The following GALNTL6 variants were observed in gnomAD, a reference collection of about 807,000 sequenced individuals.
GALNTL6 encodes the protein polypeptide N-acetylgalactosaminyltransferase like 6, also known as polypeptide N-acetylgalactosaminyltransferase-like 6.
In GALNTL6, 46 loss-of-function variants were observed where a neutral mutation model predicts 73.7. The observed-to-expected ratio is 0.62, with a 90% CI of 0.49 to 0.80. GALNTL6 has a LOEUF of 0.80. GALNTL6 is among the 30% of genes least tolerant of loss of function. The pLI, the probability that GALNTL6 is intolerant of heterozygous loss-of-function variation, is 0.00. For synonymous variants in GALNTL6, 259 were observed against 263.7 expected (o/e 0.98, Z 0.17); for missense variants, 604 against 755.0 (o/e 0.80, Z 2.34).
chr4:172,790,040 GTTTTT>G (rs1426728731), intron 5 of GALNTL6, among the ~76,000 whole-genome samples: 9 of 152,194 alleles, frequency 5.9e-5, no homozygotes, highest in African/African-American at 1.7e-4. Context: ...ATCCGAAATA[GTTTTT>G]TAACCTCCAA....
At chr4:172,656,550 A>G (rs1055468889) in intron 5 of GALNTL6, among the ~76,000 whole-genome samples, 1 of 152,144 alleles carries the variant, frequency 6.6e-6, no homozygotes, top group African/African-American at 2.4e-5. Context: ...CAGCCTTCCA[A>G]TCTCCTAAGC....
chr4:172,895,248 T>G (rs1746257872), intron 8 of GALNTL6, among the ~76,000 whole-genome samples: 1 of 145,362 alleles, frequency 6.9e-6, no homozygotes, highest in Non-Finnish European at 1.5e-5. Context: ...GTTTTCTAGT[T>G]GCTTTGTAGC....
intron 2 of GALNTL6, among the ~76,000 whole-genome samples, chr4:171,959,768 G>A (rs1739166638): frequency 1.3e-5 from 2 of 152,168 alleles, no homozygotes; most frequent in African/African-American, 4.8e-5. Context: ...CCTGACAAAA[G>A]CAGTTGTTCT....
At chr4:172,156,344 CGG>C (rs1432432366) in intron 2 of GALNTL6, among the ~76,000 whole-genome samples, 4 of 151,492 alleles carry the variant, frequency 2.6e-5, no homozygotes, top group Admixed American at 2.0e-4. Context: ...TTTCAGGCCC[CGG>C]GGGAGAATCT....
At chr4:172,438,750 C>G (rs1731727353) in intron 5 of GALNTL6, among the ~76,000 whole-genome samples, 1 of 151,808 alleles carries the variant, frequency 6.6e-6, no homozygotes, top group East Asian at 1.9e-4. Flanking sequence ...GGAATTAGGC[C>G]ACCACTCTTT....
intron 5 of GALNTL6, among the ~76,000 whole-genome samples, chr4:172,386,995 G>A (rs968126662): frequency 6.6e-6 from 1 of 152,080 alleles, no homozygotes; most frequent in Non-Finnish European, 1.5e-5. Flanking sequence ...GCCTATTGAA[G>A]CATTAAGAAT....
chr4:172,011,162 G>A (rs372702464), intron 2 of GALNTL6, among the ~76,000 whole-genome samples: 68 of 152,012 alleles, frequency 4.5e-4, no homozygotes, highest in African/African-American at 1.0e-3. Context: ...GACAAATTCC[G>A]TCATAGAGGA....
chr4:172,345,427 A>T (rs1291597996), intron 4 of GALNTL6, among the ~76,000 whole-genome samples: 1 of 152,166 alleles, frequency 6.6e-6, no homozygotes, highest in Non-Finnish European at 1.5e-5. Flanking sequence ...AGGCCTAGAG[A>T]TGTCTCTGAG....
intron 10 of GALNTL6, among the ~76,000 whole-genome samples, chr4:172,958,123 G>A (rs1318528873): frequency 6.6e-6 from 1 of 152,150 alleles, no homozygotes; most frequent in African/African-American, 2.4e-5. Context: ...AGCAGAAAGT[G>A]TATGTGTCAG....
At chr4:173,022,548 A>T (rs1335503842) in intron 12 of GALNTL6, among the ~76,000 whole-genome samples, 1 of 152,228 alleles carries the variant, frequency 6.6e-6, no homozygotes, top group East Asian at 1.9e-4. Context: ...TTTTTTATGT[A>T]TCTCAGGCTC....
At chr4:172,094,270 G>A (rs2131002) in intron 2 of GALNTL6, among the ~76,000 whole-genome samples, 136,739 of 152,166 alleles carry the variant, frequency 0.9, 62,375 homozygotes, top group East Asian at 1. Context: ...CAGACATTTC[G>A]TGATTGTCTA....
At chr4:172,056,088 ATG>A (rs1418081098) in intron 2 of GALNTL6, among the ~76,000 whole-genome samples, 1 of 152,174 alleles carries the variant, frequency 6.6e-6, no homozygotes, top group African/African-American at 2.4e-5. Flanking sequence ...TATAAACAAA[ATG>A]TGTTTTTAAA....
At chr4:172,487,933 G>C (rs1733757391) in intron 5 of GALNTL6, among the ~76,000 whole-genome samples, 1 of 152,168 alleles carries the variant, frequency 6.6e-6, no homozygotes, top group Non-Finnish European at 1.5e-5. Context: ...AAATGCAGCA[G>C]AGAATAGAGC....
chr4:172,392,833 G>A (rs1050889890), intron 5 of GALNTL6, among the ~76,000 whole-genome samples: 2 of 152,132 alleles, frequency 1.3e-5, no homozygotes, highest in Non-Finnish European at 2.9e-5. Flanking sequence ...ATGAAATGAG[G>A]ATAACTATTT....
chr4:172,590,257 A>T (rs1737582141), intron 5 of GALNTL6, among the ~76,000 whole-genome samples: 1 of 152,172 alleles, frequency 6.6e-6, no homozygotes, highest in Non-Finnish European at 1.5e-5. Flanking sequence ...AACCTTTTGG[A>T]CAAACTTTTG....
intron 2 of GALNTL6, among the ~76,000 whole-genome samples, chr4:172,087,405 A>G (rs1276945584): frequency 6.7e-6 from 1 of 148,920 alleles, no homozygotes; most frequent in Non-Finnish European, 1.5e-5. Flanking sequence ...AGGTCGCGCC[A>G]CTGCACTCCA....
At chr4:172,820,020 C>T (rs560950791) in intron 7 of GALNTL6, among the ~76,000 whole-genome samples, 1 of 151,648 alleles carries the variant, frequency 6.6e-6, no homozygotes, top group Admixed American at 6.6e-5. Context: ...TTTCAAAACA[C>T]GTTCAGGACA....
intron 5 of GALNTL6, among the ~76,000 whole-genome samples, chr4:172,400,174 T>C (rs1279188920): frequency 6.6e-6 from 1 of 152,198 alleles, no homozygotes; most frequent in African/African-American, 2.4e-5. Context: ...CCTTTTTGTC[T>C]AACAAATACA....
At chr4:171,980,235 G>A (rs765615715) in intron 2 of GALNTL6, among the ~76,000 whole-genome samples, 1 of 152,046 alleles carries the variant, frequency 6.6e-6, no homozygotes, top group Non-Finnish European at 1.5e-5. Flanking sequence ...AGTAAACAGG[G>A]GTGGAAAAAT....
Sources: gnomAD v4.1 joint callset for allele counts (sites outside exome capture counted in the v4.1 genomes callset) on GRCh38, gnomAD v4.1.1 for gene constraint, MANE v1.5 for transcripts, NCBI Gene and HGNC (gene_info 2026-07-23, HGNC 2026-07-21) for gene names.